Variants in SLC45A3 observed in about 807,000 individuals in gnomAD.
SLC45A3 encodes prostate cancer associated protein 2.
A neutral mutation model predicts 35.3 loss-of-function variants in SLC45A3; 17 were observed. The ratio of observed to expected loss-of-function variants is 0.48; its 90% CI spans 0.33 to 0.72. SLC45A3 has a LOEUF of 0.72. Ranked by LOEUF, SLC45A3 falls within the 30% of genes least tolerant of loss-of-function variation. The probability of loss-of-function intolerance (pLI) is 0.02; values close to 1 mark genes in which losing one functional copy is unlikely to be tolerated. For synonymous variants in SLC45A3, 288 were observed against 334.3 expected, an observed-to-expected ratio of 0.86 and a Z score of 1.51; for missense variants, 597 against 731.7, an observed-to-expected ratio of 0.82 and a Z score of 2.12.
rs1430009489 is a variant in SLC45A3 at position 205,664,403 on chromosome 1, C to G, written c.172+82G>C. Reference sequence around the variant, plus strand: ...GCAGACCACCTCTCCCTCCAAGCAGCTCCCAGGGCAGAGGTACTCCTGTCC... The same window carrying G: ...GCAGACCACCTCTCCCTCCAAGCAGGTCCCAGGGCAGAGGTACTCCTGTCC... On this transcript the variant is annotated intron_variant, in intron 2 of 4. Coordinates refer to ENST00000367145, the MANE Select transcript of SLC45A3 (RefSeq NM_033102.3). This position sits in a 1 kb window ranked among gnomAD's most constrained non-coding sequence, Gnocchi z 5.3. 3.9e-6 allele frequency: 6 copies of G among 1,549,246 alleles called. No homozygotes were observed. Among genetic ancestry groups the G allele is most frequent in the Non-Finnish European group, 8.8e-7 (1 of 1,138,038 alleles).
chr1:205,671,522 C>T (rs1671213648), intron 1 of SLC45A3, among the ~76,000 whole-genome samples: 1 of 152,198 alleles, frequency 6.6e-6, no homozygotes, highest in South Asian at 2.1e-4. Flanking sequence ...ATTGCATGAG[C>T]CTGTAACTTG....
intron 1 of SLC45A3, among the ~76,000 whole-genome samples, chr1:205,672,793 G>A (rs1671239490): frequency 6.6e-6 from 1 of 152,076 alleles, no homozygotes; most frequent in Admixed American, 6.6e-5. Flanking sequence ...TGTAAAATGA[G>A]AGCTAATCTG....
chr1:205,667,826 T>C (rs1338408177), intron 1 of SLC45A3, among the ~76,000 whole-genome samples: 1 of 151,914 alleles, frequency 6.6e-6, no homozygotes, highest in Non-Finnish European at 1.5e-5. Context: ...TTAGCCCACA[T>C]GGGAAAAAGA....
Position 205,659,537 on chromosome 1 carries a change from C to G in SLC45A3, c.1359G>C (p.Leu453=), listed in dbSNP as rs751972382. The change falls in exon 5 of 5, where the codon CTG becomes CTC. Residue 453 remains leucine (L), a synonymous_variant. Coordinates refer to ENST00000367145, the MANE Select transcript of SLC45A3 (RefSeq NM_033102.3). The surrounding 1 kb of genome is among the most constrained non-coding windows in gnomAD (Gnocchi z 5.8). ...CGCAGAGCGCGGGTGGAGGTGGGAG[C>G]AGGCCACTGCCTCCAGCACCCACGT... ...NGHVGAGGSG[L]LPPPPALCGA... 6.2e-7 allele frequency: 1 copy of G among 1,608,140 alleles called. No individual in the cohort carries two copies. Among genetic ancestry groups the G allele is most frequent in the South Asian group, 1.1e-5 (1 of 90,012 alleles).
chr1:205,675,721 G>C (rs780555974), intron 1 of SLC45A3, among the ~76,000 whole-genome samples: 2 of 152,044 alleles, frequency 1.3e-5, no homozygotes, highest in Non-Finnish European at 2.9e-5. Context: ...TGCTTCCAAG[G>C]TGGTCACCGT....
chr1:205,677,229 A>T (rs1159968846), intron 1 of SLC45A3, among the ~76,000 whole-genome samples: 5 of 152,190 alleles, frequency 3.3e-5, no homozygotes, highest in Admixed American at 6.5e-5. Flanking sequence ...GTAGCAGAGT[A>T]GTAGAGGAGA....
rs776069878 is a variant in SLC45A3 at position 205,662,833 on chromosome 1, C to A, written c.958G>T (p.Gly320Cys). The change falls in exon 3 of 5, where the codon GGC (glycine) becomes TGC (cysteine). Residue 320 changes from glycine (G) to cysteine (C), a missense_variant and splice_region_variant. By Grantham distance (159) the Gly-to-Cys change is radical. Transcript: ENST00000367145. The surrounding 1 kb of genome is among the most constrained non-coding windows in gnomAD (Gnocchi z 6.2). The stretch of plus-strand genomic sequence containing the variant: ...CCTCTGCTGGCTGCCAAGGCCTTAC[C>A]TTCATCATAGTGTCTCCGGGCCTCG... ...GTEARRHYDE[G>C]VRMGSLGLFL... 1 of 1,582,910 alleles carries A rather than the reference C, an allele frequency of 6.3e-7. No homozygotes were observed. Among genetic ancestry groups the A allele is most frequent in the Non-Finnish European group, 8.6e-7 (1 of 1,161,160 alleles).
chr1:205,676,425 C>T (rs2102410679), intron 1 of SLC45A3, among the ~76,000 whole-genome samples: 2 of 152,226 alleles, frequency 1.3e-5, no homozygotes. Context: ...TCCCCACTCC[C>T]CAGAAAGTGA....
rs748615180 is a variant in SLC45A3 at position 205,659,340 on chromosome 1, G to A, written c.1556C>T (p.Ser519Phe). The A allele has an allele frequency of 8.7e-6, 14 of 1,614,232 alleles. No homozygotes were observed. The South Asian group carries it at 1.5e-4, about 18-fold the overall frequency. Residue 519 changes from serine (S) to phenylalanine (F), a missense_variant, in exon 5 of 5, where the codon TCT becomes TTT. Physicochemically the swap from Ser to Phe is radical, Grantham distance 155 (BLOSUM62 -2). Coordinates refer to ENST00000367145, the MANE Select transcript of SLC45A3 (RefSeq NM_033102.3). This position sits in a 1 kb window ranked among gnomAD's most constrained non-coding sequence, Gnocchi z 5.8. ...FMGSIVQLSQ[S>F]VTAYMVSAAG... ...GGCAGACACCATATAGGCAGTGACAGACTGGCTGAGCTGGACAATGGAGCC... is the reference window on the plus strand; with the variant it reads ...GGCAGACACCATATAGGCAGTGACAAACTGGCTGAGCTGGACAATGGAGCC...
intron 1 of SLC45A3, among the ~76,000 whole-genome samples, chr1:205,671,051 G>GGGGGAAGGGGA (rs1671206804): frequency 6.6e-6 from 1 of 152,180 alleles, no homozygotes; most frequent in African/African-American, 2.4e-5. Context: ...AGAGGAGATT[G>GGGGGAAGGGGA]GGGGAAGGGG....
chr1:205,662,869 C>T lies in SLC45A3; in HGVS notation c.922G>A (p.Glu308Lys). 1.2e-6 allele frequency: 2 copies of T among 1,607,168 alleles called. No homozygotes were observed. Among genetic ancestry groups the T allele is most frequent in the Non-Finnish European group, 1.7e-6 (2 of 1,176,226 alleles). ...EGLYQGVPRA[E>K]PGTEARRHYD... Reference sequence around the variant, plus strand: ...TGTCTCCGGGCCTCGGTGCCCGGCTCAGCTCTGGGCACGCCCTGGTACAGC... The same window carrying T: ...TGTCTCCGGGCCTCGGTGCCCGGCTTAGCTCTGGGCACGCCCTGGTACAGC... Residue 308 changes from glutamate to lysine, a missense_variant, in exon 3 of 5, where the codon GAG (glutamate) becomes AAG (lysine). By Grantham distance (56) the Glu-to-Lys change is moderately conservative. This residue lies in a region of SLC45A3 where 555 missense variants were observed against 664.9 expected (regional missense o/e 0.83). Transcript: ENST00000367145. The surrounding 1 kb of genome is among the most constrained non-coding windows in gnomAD (Gnocchi z 6.2).
At position 205,662,614 on chromosome 1, in the gene SLC45A3, C is replaced by T. The variant is rs184091548; in HGVS notation, c.958+219G>A. Reference sequence around the variant, plus strand: ...TCCTTCTGTCAAACTGGGGCAACGACTCTGATCAGACTCCTAGAGCAGCCA... The same window carrying T: ...TCCTTCTGTCAAACTGGGGCAACGATTCTGATCAGACTCCTAGAGCAGCCA... On this transcript the variant is annotated intron_variant, in intron 3 of 4. Transcript: ENST00000367145. This position sits in a 1 kb window ranked among gnomAD's most constrained non-coding sequence, Gnocchi z 6.2. 7 of 1,354,198 alleles carry T rather than the reference C, an allele frequency of 5.2e-6. No homozygotes were observed. In the East Asian group the frequency reaches 1.4e-4, roughly 26 times the overall value. 83.9% of individuals were successfully genotyped at this position (1,354,198 alleles called of 1,614,324 possible).
intron 1 of SLC45A3, among the ~76,000 whole-genome samples, chr1:205,678,628 A>G (rs1314695960): frequency 6.6e-6 from 1 of 152,176 alleles, no homozygotes; most frequent in Non-Finnish European, 1.5e-5. Flanking sequence ...CACTCCATGA[A>G]TACATAGGAA....
At position 205,662,658 on chromosome 1, in the gene SLC45A3, C is replaced by A. The variant is rs766445304; in HGVS notation, c.958+175G>T. On this transcript the variant is annotated intron_variant, in intron 3 of 4. Transcript: ENST00000367145. This position sits in a 1 kb window ranked among gnomAD's most constrained non-coding sequence, Gnocchi z 6.2. ...GCAGCCAGAGGCCTTCCTGAAACCG[C>A]AAGCAGAGATGTTCCACACCCATGA... The A allele has an allele frequency of 7.9e-6, 11 of 1,387,788 alleles. No homozygotes were observed. The highest frequency in any genetic ancestry group is 7.4e-6 in the Non-Finnish European group (8 of 1,075,866). 86.0% of individuals were successfully genotyped at this position (1,387,788 alleles called of 1,614,324 possible).
In SLC45A3 at chr1:205,679,193, T is replaced by C. The variant is rs527995114; in HGVS notation, c.-231+1201A>G. On this transcript the variant is annotated intron_variant, in intron 1 of 4. Transcript: ENST00000367145. Reference sequence around the variant, plus strand: ...AGCAAGACAGCAGCTGGGCTATTCTTAGTCCCTGCTCCACCGGGACCGGGT... The same window carrying C: ...AGCAAGACAGCAGCTGGGCTATTCTCAGTCCCTGCTCCACCGGGACCGGGT... Among the ~76,000 whole-genome samples, 5 of 152,240 alleles carry C rather than the reference T, an allele frequency of 3.3e-5. No individual in the cohort carries two copies. The East Asian group carries it at 7.7e-4, about 24-fold the overall frequency.
chr1:205,675,483 G>A (rs1269809792), intron 1 of SLC45A3, among the ~76,000 whole-genome samples: 2 of 152,114 alleles, frequency 1.3e-5, no homozygotes, highest in Non-Finnish European at 2.9e-5. Context: ...CAGCAGAAAA[G>A]GGTGTATGTC....
chr1:205,676,317 C>A (rs1671314480), intron 1 of SLC45A3, among the ~76,000 whole-genome samples: 1 of 152,126 alleles, frequency 6.6e-6, no homozygotes. Flanking sequence ...TGAGGGTATC[C>A]CCTCTGGCTG....
rs1004283707 is a variant in SLC45A3 at position 205,669,802 on chromosome 1, G to T, written c.-230-4916C>A. ...GGGAAATCGGGGGCTGGTGAGGCAC[G>T]AGGAATAATGACTCAGCTGAGGAAA... On this transcript the variant is annotated intron_variant, in intron 1 of 4. Coordinates refer to ENST00000367145, the MANE Select transcript of SLC45A3 (RefSeq NM_033102.3). This position sits in a 1 kb window ranked among gnomAD's most constrained non-coding sequence, Gnocchi z 4.1. Among the ~76,000 whole-genome samples the T allele has an allele frequency of 6.6e-6, 1 of 152,194 alleles. No individual in the cohort carries two copies. Among genetic ancestry groups the T allele is most frequent in the Non-Finnish European group, 1.5e-5 (1 of 68,034 alleles).
In SLC45A3 at chr1:205,666,486, G is replaced by A. The variant is rs561177507; in HGVS notation, c.-230-1600C>T. 2.0e-4 allele frequency among the ~76,000 whole-genome samples: 30 copies of A among 152,308 alleles called. No homozygotes were observed. The highest frequency in any genetic ancestry group is 2.0e-3 in the Admixed American group (30 of 15,306). On this transcript the variant is annotated intron_variant, in intron 1 of 4. Coordinates refer to ENST00000367145, the MANE Select transcript of SLC45A3 (RefSeq NM_033102.3). The surrounding 1 kb of genome is among the most constrained non-coding windows in gnomAD (Gnocchi z 4.1). ...TTGGACCACTGCCTCCAGTCTGGGT[G>A]ACAGAGGGAGACACTGCCTAAAAAA...
Sources: gnomAD v4.1 joint callset for allele counts (sites outside exome capture counted in the v4.1 genomes callset) on GRCh38, gnomAD v4.1.1 for gene constraint, gnomAD v4.1.1 regional missense constraint, Gnocchi (gnomAD v3.1) non-coding constraint, MANE v1.5 for transcripts, NCBI Gene and HGNC (gene_info 2026-07-23, HGNC 2026-07-21) for gene names.